Variants in EP300 observed in about 807,000 individuals in gnomAD.
The protein encoded by EP300 is EP300 lysine acetyltransferase.
EP300 carries 31 observed loss-of-function variants against 264.0 expected under a neutral mutation model. The observed-to-expected ratio is 0.12, with a 90% CI of 0.09 to 0.16. The LOEUF is 0.16. Among genes scored for constraint, EP300 ranks in the 10% least tolerant of loss-of-function variants. The pLI is 1.00. For missense variants in EP300, 2,766 were observed against 3,052.9 expected (o/e 0.91, Z 2.21); for synonymous variants, 1,340 against 1,045.4 (o/e 1.28, Z -5.44).
chr22:41,172,611 A>T lies in EP300; in HGVS notation c.4565A>T (p.Gln1522Leu). The change falls in exon 28 of 31, where the codon CAG becomes CTG. Residue 1522 changes from glutamine (Q) to leucine (L), a missense_variant. Gln to Leu is a moderately radical substitution (Grantham distance 113). Coordinates refer to ENST00000263253, the MANE Select transcript of EP300 (RefSeq NM_001429.4). ...VLEESIKELEQEEEERKREEN... is the reference protein window; with the variant it reads ...VLEESIKELELEEEERKREEN... ...GAAGAAAGCATTAAGGAACTGGAAC[A>T]GGAGGAAGAAGAGAGAAAACGAGAG... 1 of 1,614,100 alleles carries T rather than the reference A, an allele frequency of 6.2e-7. No homozygotes were observed. The highest frequency in any genetic ancestry group is 8.5e-7 in the Non-Finnish European group (1 of 1,179,950).
chr22:41,144,415 G>A (rs2058999504), intron 10 of EP300, among the ~76,000 whole-genome samples: 1 of 149,354 alleles, frequency 6.7e-6, no homozygotes. Flanking sequence ...GCAGTGGTGT[G>A]ATCTCGGCTC....
chr22:41,110,417 C>T (rs911313097), intron 1 of EP300, among the ~76,000 whole-genome samples: 4 of 144,062 alleles, frequency 2.8e-5, no homozygotes, highest in South Asian at 2.3e-4. Flanking sequence ...CTCAGCCTCC[C>T]GACTAGCTGG....
intron 13 of EP300, 51 bp downstream of exon 13, chr22:41,149,226 C>T (rs752074035): frequency 9.3e-6 from 15 of 1,608,888 alleles, no homozygotes; most frequent in Non-Finnish European, 1.2e-5. Flanking sequence ...TGAAACTTCT[C>T]TTGATGTAGG....
intron 14 of EP300, among the ~76,000 whole-genome samples, chr22:41,151,250 G>C (rs1461364087): frequency 3.1e-4 from 47 of 152,270 alleles, no homozygotes; most frequent in Non-Finnish European, 1.5e-5. Flanking sequence ...CAGAATGAGA[G>C]AGGAACCAGT....
At chr22:41,167,814 G>GTT (rs1555911003) in intron 23 of EP300, among the ~76,000 whole-genome samples, 4 of 66,226 alleles carry the variant, frequency 6.0e-5, no homozygotes, top group Non-Finnish European at 7.8e-5. Context: ...GTTTGTTTTT[G>GTT]TTTTTTTTTT....
chr22:41,142,734 C>T (rs1465566386), intron 10 of EP300, among the ~76,000 whole-genome samples: 1 of 151,908 alleles, frequency 6.6e-6, no homozygotes, highest in African/African-American at 2.4e-5. Flanking sequence ...AAATACAAAA[C>T]AATTAGCCGG....
chr22:41,147,303 CAAAA>C (rs11306415), intron 11 of EP300, among the ~76,000 whole-genome samples: 2 of 123,130 alleles, frequency 1.6e-5, no homozygotes, highest in Admixed American at 7.7e-5. Context: ...GACTTCGTCT[CAAAA>C]AAAAAAAAAA....
At chr22:41,146,680 G>C in intron 10 of EP300, 59 bp from the exon 11 acceptor site, 1 of 1,500,746 alleles carries the variant, frequency 6.7e-7, no homozygotes, top group Admixed American at 1.7e-5. Context: ...TGTGCAGTGA[G>C]TTTTTGTTTG....
At chr22:41,116,767 GTA>G (rs755993313) in intron 1 of EP300, among the ~76,000 whole-genome samples, 1 of 152,112 alleles carries the variant, frequency 6.6e-6, no homozygotes, top group Non-Finnish European at 1.5e-5. Flanking sequence ...CATACAAATA[GTA>G]TATATATAGG....
intron 1 of EP300, among the ~76,000 whole-genome samples, chr22:41,097,998 A>AT (rs556679821): frequency 0.031 from 4,581 of 147,564 alleles, 208 homozygotes; most frequent in African/African-American, 0.11. Context: ...CCAGCTAAAA[A>AT]TTTTTTTTTT....
intron 2 of EP300, among the ~76,000 whole-genome samples, chr22:41,118,999 G>A (rs966626056): frequency 2.9e-5 from 4 of 139,348 alleles, no homozygotes; most frequent in East Asian, 2.0e-4. Flanking sequence ...CCTCACCCCC[G>A]CCACCTTTTT....
intron 12 of EP300, among the ~76,000 whole-genome samples, chr22:41,148,277 A>T (rs1372418506): frequency 6.6e-6 from 1 of 152,096 alleles, no homozygotes; most frequent in Admixed American, 6.6e-5. Flanking sequence ...GAGAAGAGAG[A>T]CTAGGCTTCT....
intron 5 of EP300, 42 bp downstream of exon 5, chr22:41,130,045 A>G: frequency 6.7e-7 from 1 of 1,486,308 alleles, no homozygotes; most frequent in South Asian, 1.1e-5. Flanking sequence ...GAAAAGTTTT[A>G]AAGTCTCACC....
intron 29 of EP300, among the ~76,000 whole-genome samples, chr22:41,174,132 AT>A (rs758453706): frequency 7.2e-6 from 1 of 138,898 alleles, no homozygotes; most frequent in Non-Finnish European, 1.6e-5. Flanking sequence ...TAAGAAATGA[AT>A]AAAAACACTG....
chr22:41,160,440 A>C (rs1487077686), intron 19 of EP300: 7 of 541,892 alleles, frequency 1.3e-5, no homozygotes, highest in African/African-American at 3.9e-5. Flanking sequence ...ACAAAAAAAA[A>C]CAAAAAAACA....
At chr22:41,162,544 T>C (rs1229806178) in intron 20 of EP300, among the ~76,000 whole-genome samples, 179 bp from the exon 21 acceptor site, 1 of 152,230 alleles carries the variant, frequency 6.6e-6, no homozygotes. Context: ...TGAAGTCCTA[T>C]AGAATATTCC....
intron 1 of EP300, among the ~76,000 whole-genome samples, chr22:41,094,496 C>T (rs1003112600): frequency 1.3e-5 from 2 of 152,202 alleles, no homozygotes; most frequent in South Asian, 2.1e-4. Context: ...CTACCTAAGG[C>T]TTGTAACATT....
In EP300 at chr22:41,131,650, C is replaced by T. The variant is rs1347166131; in HGVS notation, c.1528+17C>T. The T allele has an allele frequency of 6.2e-7, 1 of 1,613,980 alleles. No individual in the cohort carries two copies. The highest frequency in any genetic ancestry group is 2.2e-5 in the East Asian group (1 of 44,890). The stretch of plus-strand genomic sequence containing the variant: ...GCAACATGAGTAAGTTTGTGTCATC[C>T]TAATAACATGGTATTGGTTGTGTCA... On this transcript the variant is annotated intron_variant, in intron 6 of 30. Transcript: ENST00000263253.
intron 22 of EP300, among the ~76,000 whole-genome samples, chr22:41,164,540 C>T (rs568027061): frequency 7.0e-4 from 107 of 152,222 alleles, no homozygotes; most frequent in African/African-American, 2.5e-3. Context: ...GGCAAAACCT[C>T]GTGTCTACTG....
Sources: allele counts gnomAD v4.1 joint callset (sites outside exome capture counted in the v4.1 genomes callset), GRCh38; gene constraint gnomAD v4.1.1; transcripts MANE v1.5; gene names NCBI Gene and HGNC (gene_info 2026-07-23, HGNC 2026-07-21).